Variants in SMG5 observed in about 807,000 individuals in gnomAD.
SMG5 encodes SMG5 nonsense mediated mRNA decay factor.
SMG5 carries 53 observed loss-of-function variants against 122.9 expected under a neutral mutation model. The observed-to-expected ratio is 0.43, with a 90% CI of 0.35 to 0.54. The LOEUF (loss-of-function observed/expected upper bound fraction) is 0.54. Among genes scored for constraint, SMG5 ranks in the 20% least tolerant of loss-of-function variants. The pLI, the probability that SMG5 is intolerant of heterozygous loss-of-function variation, is 0.01. For missense variants in SMG5, 1,153 were observed against 1,285.6 expected (o/e 0.90, Z 1.58); for synonymous variants, 477 against 490.2 (o/e 0.97, Z 0.35).
intron 16 of SMG5, among the ~76,000 whole-genome samples, chr1:156,254,971 T>A (rs1445654180): frequency 6.6e-6 from 1 of 151,328 alleles, no homozygotes; most frequent in Non-Finnish European, 1.5e-5. Flanking sequence ...GCACCTATAA[T>A]CCCAGCTACT....
At chr1:156,258,211 C>T (rs753290484) in intron 16 of SMG5, among the ~76,000 whole-genome samples, 2 of 152,230 alleles carry the variant, frequency 1.3e-5, no homozygotes, top group African/African-American at 4.8e-5. Flanking sequence ...AGGAGCCCTC[C>T]GCTCCCTTCT....
intron 16 of SMG5, among the ~76,000 whole-genome samples, chr1:156,256,388 C>T (rs923848752): frequency 8.8e-5 from 13 of 147,600 alleles, no homozygotes; most frequent in African/African-American, 2.8e-4. Context: ...GATCTTGGCT[C>T]ACTGCAGCCT....
chr1:156,277,834 C>G, intron 3 of SMG5, 91 bp downstream of exon 3: 5 of 1,547,968 alleles, frequency 3.2e-6, no homozygotes, highest in Non-Finnish European at 4.4e-6. Context: ...GTTTTCTTGG[C>G]TCCCCTACCT....
intron 9 of SMG5, 126 bp downstream of exon 9, chr1:156,267,989 T>C (rs1018946812): frequency 7.0e-6 from 7 of 999,176 alleles, no homozygotes; most frequent in Middle Eastern, 4.6e-4. Flanking sequence ...CAAGAAAGGA[T>C]GAATTGGTTA....
intron 9 of SMG5, 116 bp from the exon 10 acceptor site, chr1:156,267,794 G>T: frequency 2.2e-6 from 2 of 905,992 alleles, no homozygotes; most frequent in South Asian, 1.7e-5. Context: ...AGACCTGAGA[G>T]CACACCAGGG....
At chr1:156,273,556 G>C in intron 5 of SMG5, 106 bp from the exon 6 acceptor site, 1 of 1,047,860 alleles carries the variant, frequency 9.5e-7, no homozygotes, top group South Asian at 1.4e-5. Context: ...AGCCTGGAAG[G>C]AAGGTACCTG....
At position 156,259,069 on chromosome 1, in the gene SMG5, A is replaced by C; in HGVS notation, c.2378T>G (p.Phe793Cys). 6.2e-7 allele frequency: 1 copy of C among 1,613,074 alleles called. No homozygotes were observed. The highest frequency in any genetic ancestry group is 8.5e-7 in the Non-Finnish European group (1 of 1,179,600). The change falls in exon 16 of 22, where the codon TTC becomes TGC. Residue 793 changes from phenylalanine to cysteine, a missense_variant. Transcript: ENST00000361813. ...ILQFNPEVGIFVSIAQSEQES... is the reference protein window; with the variant it reads ...ILQFNPEVGICVSIAQSEQES... ...CTGCTCAGACTGGGCAATGCTGACG[A>C]AGATGCCAACCTCTGGGTTGAACTG...
At chr1:156,264,852 C>T (rs1662042594) in intron 12 of SMG5, among the ~76,000 whole-genome samples, 1 of 152,024 alleles carries the variant, frequency 6.6e-6, no homozygotes, top group Admixed American at 6.6e-5. Context: ...ATGGCGAAAC[C>T]CCGTCTCTAC....
intron 2 of SMG5, among the ~76,000 whole-genome samples, chr1:156,278,680 TTTTTA>T (rs1224012589): frequency 1.3e-5 from 2 of 152,160 alleles, no homozygotes; most frequent in Non-Finnish European, 1.5e-5. Context: ...AATGCCATTC[TTTTTA>T]TTTTATTTTA....
chr1:156,279,788 A>G (rs1662850200), intron 1 of SMG5, among the ~76,000 whole-genome samples: 2 of 152,308 alleles, frequency 1.3e-5, no homozygotes, highest in East Asian at 1.9e-4. Flanking sequence ...TGGGCTGCTT[A>G]GCCGTAAGCA....
At chr1:156,282,169 G>C (rs892996273) in intron 1 of SMG5, among the ~76,000 whole-genome samples, 1 of 152,272 alleles carries the variant, frequency 6.6e-6, no homozygotes, top group East Asian at 1.9e-4. Context: ...CACCGTGAGA[G>C]AGTGGCAAAG....
chr1:156,291,499 G>A, the SMG5 span: 1 of 1,612,626 alleles, frequency 6.2e-7, no homozygotes, highest in Non-Finnish European at 8.5e-7. Flanking sequence ...ACATGTTCGT[G>A]GTGGAGCCGG....
At chr1:156,282,545 C>G in intron 1 of SMG5, 62 bp downstream of exon 1, 2 of 1,530,022 alleles carry the variant, frequency 1.3e-6, no homozygotes, top group Non-Finnish European at 1.8e-6. Flanking sequence ...CCCGGGAGGC[C>G]CCGCCCCTCG....
intron 12 of SMG5, among the ~76,000 whole-genome samples, chr1:156,265,438 G>A (rs1662082511): frequency 6.6e-6 from 1 of 152,220 alleles, no homozygotes; most frequent in South Asian, 2.1e-4. Context: ...GCGCTGGTGG[G>A]TACCAGTTTT....
intron 7 of SMG5, among the ~76,000 whole-genome samples, chr1:156,271,003 A>G (rs559964179): frequency 6.6e-5 from 10 of 151,740 alleles, no homozygotes; most frequent in Non-Finnish European, 1.3e-4. Flanking sequence ...GTGAAACTCC[A>G]TCTCAAAAAA....
In SMG5 at chr1:156,268,265, C is replaced by T. The variant is rs368162262; in HGVS notation, c.839+25G>A. ...TACTGCACCAACTGCAGAAAAAACC[C>T]GTCCTCCTCACAGGCCCCACTCACC... On this transcript the variant is annotated intron_variant, in intron 8 of 21. Transcript: ENST00000361813. 247 of 1,614,104 alleles carry T rather than the reference C, an allele frequency of 1.5e-4. 1 individual carries two copies. In the African/African-American group the frequency reaches 2.1e-3, roughly 14 times the overall value.
At chr1:156,277,290 C>A in intron 3 of SMG5, 49 bp from the exon 4 acceptor site, 3 of 1,579,090 alleles carry the variant, frequency 1.9e-6, no homozygotes, top group South Asian at 1.2e-5. Context: ...AACTCAGAGT[C>A]GCACTCACCC....
chr1:156,285,496 T>TC, upstream of SMG5: 2 of 1,614,082 alleles, frequency 1.2e-6, no homozygotes, highest in Non-Finnish European at 1.7e-6. Context: ...CGTTCCCGGA[T>TC]CCCCCTGGCT....
Position 156,251,001 on chromosome 1 carries a change from G to C in SMG5, c.2829-5C>G. The C allele has an allele frequency of 1.2e-6, 2 of 1,612,570 alleles. No homozygotes were observed. The highest frequency in any genetic ancestry group is 1.7e-6 in the Non-Finnish European group (2 of 1,178,946). ...TCTAGGATCTTATAGAGAGTCCTGG[G>C]GATGGGGGGCAGAGGGGAAGATGGG... On this transcript the variant is annotated splice_polypyrimidine_tract_variant and splice_region_variant and intron_variant, in intron 20 of 21. Transcript: ENST00000361813.
Sources: allele counts gnomAD v4.1 joint callset (sites outside exome capture counted in the v4.1 genomes callset), GRCh38; gene constraint gnomAD v4.1.1; transcripts MANE v1.5; gene names NCBI Gene and HGNC (gene_info 2026-07-23, HGNC 2026-07-21).